Variants in NAALADL2 observed in about 807,000 individuals in gnomAD.
NAALADL2 encodes inactive N-acetylated-alpha-linked acidic dipeptidase-like protein 2.
A neutral mutation model predicts 87.2 loss-of-function variants in NAALADL2; 76 were observed. The observed-to-expected ratio is 0.87, with a 90% CI of 0.72 to 1.05. The LOEUF is 1.05. NAALADL2 is among the 50% of genes least tolerant of loss of function. NAALADL2 has a pLI of 0.00. For missense variants in NAALADL2, 1,089 were observed against 945.8 expected (o/e 1.15, Z -1.99); for synonymous variants, 354 against 331.0 (o/e 1.07, Z -0.75).
At chr3:174,748,707 A>G (rs1734524826) in intron 3 of NAALADL2, among the ~76,000 whole-genome samples, 1 of 152,214 alleles carries the variant, frequency 6.6e-6, no homozygotes, top group Admixed American at 6.6e-5. Context: ...TTTTGATACC[A>G]GAGCCACTAA....
intron 2 of NAALADL2, among the ~76,000 whole-genome samples, chr3:174,687,546 T>G (rs1013464682): frequency 6.6e-6 from 1 of 152,112 alleles, no homozygotes; most frequent in Admixed American, 6.6e-5. Flanking sequence ...AACACAGTGG[T>G]GTCCTGGTAA....
chr3:174,441,407 C>G (rs571307650), intron 1 of NAALADL2, among the ~76,000 whole-genome samples: 11 of 152,308 alleles, frequency 7.2e-5, no homozygotes, highest in African/African-American at 2.4e-4. Context: ...GCTTCTGACA[C>G]GTTCACACAC....
Position 174,649,411 on chromosome 3 carries a change from C to T in NAALADL2, c.-114-88230C>T, listed in dbSNP as rs552426880. Among the ~76,000 whole-genome samples the T allele has an allele frequency of 3.7e-4, 57 of 152,094 alleles. 1 individual carries two copies. In the South Asian group the frequency reaches 0.01, roughly 27 times the overall value. Reference sequence around the variant, plus strand: ...TAGTTATATAAAATACATATATATACGTTTATATTATATACTTTTCCATTA... The same window carrying T: ...TAGTTATATAAAATACATATATATATGTTTATATTATATACTTTTCCATTA... On this transcript the variant is annotated intron_variant, in intron 2 of 3. Coordinates refer to the NAALADL2 transcript ENST00000434257.
chr3:175,382,873 A>G (rs116327268), intron 5 of NAALADL2, among the ~76,000 whole-genome samples: 11 of 152,230 alleles, frequency 7.2e-5, no homozygotes, highest in African/African-American at 2.4e-4. Flanking sequence ...ACATTTGACA[A>G]TAGCCTTTCA....
Position 175,097,353 on chromosome 3 carries a change from G to T in NAALADL2, c.545+62G>T, listed in dbSNP as rs1580426571. Reference sequence around the variant, plus strand: ...TTCTTGGGAAAAATGTCTCACAGGGGGTATTGAACTGATGATTTTTCATGG... The same window carrying T: ...TTCTTGGGAAAAATGTCTCACAGGGTGTATTGAACTGATGATTTTTCATGG... On this transcript the variant is annotated intron_variant, in intron 2 of 13. Transcript: ENST00000454872. 28 of 1,428,106 alleles carry T rather than the reference G, an allele frequency of 2.0e-5. No homozygotes were observed. The East Asian group carries it at 5.9e-4, about 30-fold the overall frequency. 88.5% of individuals were successfully genotyped at this position (1,428,106 alleles called of 1,614,324 possible).
intron 3 of NAALADL2, among the ~76,000 whole-genome samples, chr3:174,751,389 G>A (rs1384931909): frequency 6.6e-6 from 1 of 152,068 alleles, no homozygotes; most frequent in African/African-American, 2.4e-5. Flanking sequence ...ATGGCCAGAC[G>A]CAGTTGCTCA....
At chr3:175,479,411 A>G (rs1726147296) in intron 9 of NAALADL2, among the ~76,000 whole-genome samples, 2 of 151,898 alleles carry the variant, frequency 1.3e-5, no homozygotes, top group Admixed American at 1.3e-4. Flanking sequence ...ATCCAAAGCT[A>G]AATAGAACAT....
At chr3:175,022,213 C>G (rs938082872) in intron 1 of NAALADL2, among the ~76,000 whole-genome samples, 1 of 151,990 alleles carries the variant, frequency 6.6e-6, no homozygotes, top group Non-Finnish European at 1.5e-5. Flanking sequence ...AACCTCTTTT[C>G]TTTATGAATT....
chr3:175,254,970 A>T (rs892153938), intron 3 of NAALADL2, among the ~76,000 whole-genome samples: 1 of 152,186 alleles, frequency 6.6e-6, no homozygotes, highest in East Asian at 1.9e-4. Context: ...ATTCAACCCT[A>T]CTGAGTCCAT....
intron 9 of NAALADL2, among the ~76,000 whole-genome samples, chr3:175,538,551 T>G (rs1028575564): frequency 2.0e-5 from 3 of 152,146 alleles, no homozygotes; most frequent in African/African-American, 7.2e-5. Flanking sequence ...TTAGCTGAAG[T>G]TTTCTATCCT....
chr3:175,553,908 C>A (rs1023090603), intron 9 of NAALADL2, among the ~76,000 whole-genome samples: 1 of 152,018 alleles, frequency 6.6e-6, no homozygotes, highest in African/African-American at 2.4e-5. Context: ...ATGGAGTATG[C>A]ATCCTAGTGG....
intron 3 of NAALADL2, among the ~76,000 whole-genome samples, chr3:175,251,326 A>C (rs1369614476): frequency 6.6e-6 from 1 of 152,188 alleles, no homozygotes; most frequent in East Asian, 1.9e-4. Flanking sequence ...TAGAATCTGA[A>C]TTAAAAATTA....
At chr3:175,639,338 T>TTTTTTTTTTTG (rs3979289) in intron 11 of NAALADL2, among the ~76,000 whole-genome samples, 1 of 143,100 alleles carries the variant, frequency 7.0e-6, no homozygotes, top group African/African-American at 2.8e-5. Flanking sequence ...TTTTTTTTTT[T>TTTTTTTTTTTG]GAGACGGAGT....
At chr3:175,326,521 G>A (rs769357037) in intron 5 of NAALADL2, among the ~76,000 whole-genome samples, 3 of 152,132 alleles carry the variant, frequency 2.0e-5, no homozygotes, top group African/African-American at 4.8e-5. Context: ...ATTTGTTATA[G>A]CAAGAACCGC....
chr3:175,624,329 T>C (rs1055968635), intron 10 of NAALADL2, among the ~76,000 whole-genome samples: 9 of 152,052 alleles, frequency 5.9e-5, no homozygotes, highest in Non-Finnish European at 2.9e-5. Flanking sequence ...CATTCCTAAA[T>C]GGATTCTTCT....
intron 11 of NAALADL2, among the ~76,000 whole-genome samples, chr3:175,630,610 G>C (rs1277837776): frequency 6.6e-6 from 1 of 151,650 alleles, no homozygotes; most frequent in Non-Finnish European, 1.5e-5. Flanking sequence ...AATGCTAAGA[G>C]TACACTAAGT....
At chr3:175,768,666 A>G (rs975357178) in intron 13 of NAALADL2, among the ~76,000 whole-genome samples, 1 of 152,182 alleles carries the variant, frequency 6.6e-6, no homozygotes. Context: ...CATGGCTAAC[A>G]TGGCGAAAGC....
At chr3:175,080,562 T>C (rs1717603523) in intron 1 of NAALADL2, among the ~76,000 whole-genome samples, 2 of 152,222 alleles carry the variant, frequency 1.3e-5, no homozygotes, top group Admixed American at 1.3e-4. Flanking sequence ...TTGCAGCTGC[T>C]TGGCAGTATG....
chr3:175,285,837 A>G (rs1184951963), intron 4 of NAALADL2, among the ~76,000 whole-genome samples: 3 of 152,244 alleles, frequency 2.0e-5, no homozygotes, highest in African/African-American at 7.2e-5. Context: ...TTAAATCACT[A>G]ATATATATTA....
Sources: gnomAD v4.1 joint callset for allele counts (sites outside exome capture counted in the v4.1 genomes callset) on GRCh38, gnomAD v4.1.1 for gene constraint, MANE v1.5 for transcripts, NCBI Gene and HGNC (gene_info 2026-07-23, HGNC 2026-07-21) for gene names.